LNPK: variants seen among roughly 807,000 people sequenced by gnomAD.
LNPK encodes lunapark, ER junction formation factor, also known as endoplasmic reticulum junction formation protein lunapark.
Under a neutral mutation model 55.2 loss-of-function variants are expected in LNPK, and 29 were observed. That is an observed-to-expected ratio of 0.53 (90% CI 0.39 to 0.72). The LOEUF is 0.72. Ranked by LOEUF, LNPK falls within the 30% of genes least tolerant of loss-of-function variation. The pLI is 0.00. For synonymous variants in LNPK, 162 were observed against 168.2 expected, an observed-to-expected ratio of 0.96 and a Z score of 0.29; for missense variants, 467 against 494.8, an observed-to-expected ratio of 0.94 and a Z score of 0.53.
chr2:175,939,799 C>CT (rs1411072901), intron 9 of LNPK, 142 bp from the exon 10 acceptor site: 4 of 505,218 alleles, frequency 7.9e-6, no homozygotes, highest in African/African-American at 3.9e-5. Context: ...TTATAAATCT[C>CT]TGAAGAACAT....
At chr2:175,990,693 T>C (rs1687663248) in intron 4 of LNPK, among the ~76,000 whole-genome samples, 1 of 152,188 alleles carries the variant, frequency 6.6e-6, no homozygotes, top group Admixed American at 6.5e-5. Flanking sequence ...TGTTTTTTGA[T>C]TGTCATTGAT....
chr2:175,977,777 A>T (rs1559063288), intron 5 of LNPK, among the ~76,000 whole-genome samples: 1 of 152,210 alleles, frequency 6.6e-6, no homozygotes, highest in Non-Finnish European at 1.5e-5. Flanking sequence ...TTTTTAAAAA[A>T]TTTTTGTTTT....
intron 8 of LNPK, among the ~76,000 whole-genome samples, chr2:175,951,605 A>ATATC (rs1553501584): frequency 2.3e-5 from 3 of 129,700 alleles, no homozygotes; most frequent in African/African-American, 8.7e-5. Flanking sequence ...ATATATATAT[A>ATATC]TATATCTCAG....
chr2:175,959,534 C>T (rs1685894919), intron 8 of LNPK, among the ~76,000 whole-genome samples: 1 of 152,122 alleles, frequency 6.6e-6, no homozygotes, highest in African/African-American at 2.4e-5. Flanking sequence ...CACCACCAGG[C>T]CTGCCTTACA....
At chr2:175,963,230 A>G (rs12475002) in intron 8 of LNPK, among the ~76,000 whole-genome samples, 11,002 of 152,082 alleles carry the variant, frequency 0.072, 426 homozygotes, top group South Asian at 0.097. Context: ...ACTATAAATC[A>G]TGCTGCTATA....
At chr2:175,991,297 T>A (rs763519502) in intron 4 of LNPK, among the ~76,000 whole-genome samples, 8 of 152,166 alleles carry the variant, frequency 5.3e-5, no homozygotes, top group Admixed American at 1.3e-4. Context: ...GGCTCACAAT[T>A]ATAAAATCCA....
At chr2:175,944,547 A>C (rs1450535008) in intron 9 of LNPK, among the ~76,000 whole-genome samples, 1 of 152,180 alleles carries the variant, frequency 6.6e-6, no homozygotes, top group African/African-American at 2.4e-5. Flanking sequence ...ACAGAATAAA[A>C]TAAAATGTGA....
chr2:175,972,123 C>A (rs926419263), intron 5 of LNPK, among the ~76,000 whole-genome samples: 4 of 152,068 alleles, frequency 2.6e-5, no homozygotes, highest in Non-Finnish European at 5.9e-5. Context: ...TCCATGTTGG[C>A]CAGGATGGTC....
chr2:176,002,797 C>T (rs2105384076), upstream of LNPK: 1 of 152,490 alleles, frequency 6.6e-6, no homozygotes, highest in East Asian at 1.9e-4. Flanking sequence ...CAGCCCGGTC[C>T]CCAGGAGTGC....
chr2:175,940,198 G>A (rs1387877288), intron 9 of LNPK, among the ~76,000 whole-genome samples: 2 of 151,994 alleles, frequency 1.3e-5, no homozygotes, highest in Admixed American at 1.3e-4. Flanking sequence ...CCTATAGAGA[G>A]TTTCCACTCG....
chr2:175,992,633 T>C (rs967438160), intron 3 of LNPK, among the ~76,000 whole-genome samples: 1 of 152,180 alleles, frequency 6.6e-6, no homozygotes, highest in African/African-American at 2.4e-5. Context: ...ACATCATTTT[T>C]ACAATGCAAA....
intron 8 of LNPK, among the ~76,000 whole-genome samples, chr2:175,951,589 A>ATC (rs1685410256): frequency 1.1e-5 from 1 of 91,246 alleles, no homozygotes; most frequent in Non-Finnish European, 2.5e-5. Flanking sequence ...TCATTCATAT[A>ATC]TATATATATA....
chr2:175,924,203 A>T lies in LNPK; in HGVS notation c.*5764T>A, dbSNP rs556521013. On this transcript the variant is annotated 3_prime_UTR_variant, in exon 13 of 13. Coordinates refer to ENST00000272748, the MANE Select transcript of LNPK (RefSeq NM_030650.3). ...AATTTTCACAATTAATTGAAGTTAT[A>T]CCAGATAGTAACTTAATACAGTATA... is the stretch of plus-strand genomic sequence containing the variant. 1 of 152,318 alleles carries T rather than the reference A, an allele frequency of 6.6e-6. No homozygotes were observed. Among genetic ancestry groups the T allele is most frequent in the South Asian group, 2.1e-4 (1 of 4,828 alleles). 9.4% of individuals were successfully genotyped at this position (152,318 alleles called of 1,614,324 possible).
intron 8 of LNPK, among the ~76,000 whole-genome samples, chr2:175,959,686 G>A (rs1205774438): frequency 5.9e-5 from 9 of 152,100 alleles, no homozygotes; most frequent in Middle Eastern, 3.2e-3. Flanking sequence ...ACATCATAAC[G>A]ACAGGATCAA....
intron 2 of LNPK, among the ~76,000 whole-genome samples, chr2:175,993,622 T>C (rs1366615902): frequency 6.6e-6 from 1 of 151,832 alleles, no homozygotes; most frequent in Non-Finnish European, 1.5e-5. Flanking sequence ...CTTCGCCAAC[T>C]GGTCTACTAA....
intron 8 of LNPK, among the ~76,000 whole-genome samples, chr2:175,961,077 C>CA (rs1214656634): frequency 6.6e-6 from 1 of 151,996 alleles, no homozygotes; most frequent in East Asian, 1.9e-4. Flanking sequence ...GCCTACCAAC[C>CA]AAAAAAATTA....
At chr2:175,980,904 C>CAAAAAAAAAA (rs369143349) in intron 4 of LNPK, among the ~76,000 whole-genome samples, 1 of 99,580 alleles carries the variant, frequency 1.0e-5, no homozygotes, top group Non-Finnish European at 1.9e-5. Context: ...AAGACTGTCC[C>CAAAAAAAAAA]AAAAAAAAAA....
chr2:175,979,747 T>C, intron 5 of LNPK, 63 bp downstream of exon 5: 1 of 1,308,356 alleles, frequency 7.6e-7, no homozygotes, highest in Non-Finnish European at 1.0e-6. Flanking sequence ...CAACCTGTCT[T>C]ACCAGCACAT....
intron 2 of LNPK, chr2:175,994,256 T>C: frequency 2.1e-6 from 2 of 970,262 alleles, no homozygotes; most frequent in South Asian, 4.8e-5. Flanking sequence ...AGCAGTTGAA[T>C]ACTGGCAATT....
Sources: allele counts gnomAD v4.1 joint callset (sites outside exome capture counted in the v4.1 genomes callset), GRCh38; gene constraint gnomAD v4.1.1; transcripts MANE v1.5; gene names NCBI Gene and HGNC (gene_info 2026-07-23, HGNC 2026-07-21).